Variants in VWA3B observed in about 807,000 individuals in gnomAD.
VWA3B encodes the protein von Willebrand factor A domain-containing protein 3B.
VWA3B carries 138 observed loss-of-function variants against 158.3 expected under a neutral mutation model. The observed-to-expected ratio is 0.87, with a 90% CI of 0.76 to 1.00. VWA3B has a LOEUF of 1.00. Ranked by LOEUF, VWA3B falls within the 50% of genes least tolerant of loss-of-function variation. VWA3B has a pLI of 0.00. For synonymous variants in VWA3B, 596 were observed against 587.3 expected, an observed-to-expected ratio of 1.01 and a Z score of -0.21; for missense variants, 1,555 against 1,565.1, an observed-to-expected ratio of 0.99 and a Z score of 0.11.
chr2:98,286,695 T>C (rs1174874503), intron 22 of VWA3B, among the ~76,000 whole-genome samples: 7 of 152,172 alleles, frequency 4.6e-5, no homozygotes. Flanking sequence ...TCTTATGGAT[T>C]TTGTGTCTAC....
Position 98,312,153 on chromosome 2 carries a change from G to A in VWA3B, c.3736-47G>A, listed in dbSNP as rs773446165. On this transcript the variant is annotated intron_variant, in intron 27 of 27. Transcript: ENST00000477737. ...CTGGGCCTGTTTAGGCTCCAGTGCAGCAAAGACCCTAACATCCTTAAGTAA... is the reference window on the plus strand; with the variant it reads ...CTGGGCCTGTTTAGGCTCCAGTGCAACAAAGACCCTAACATCCTTAAGTAA... The A allele has an allele frequency of 2.5e-6, 4 of 1,614,068 alleles. No individual in the cohort carries two copies. The South Asian group carries it at 4.4e-5, about 18-fold the overall frequency.
rs1398599820 is a variant in VWA3B at position 98,121,336 on chromosome 2, A to G, written c.580A>G (p.Thr194Ala). ...QEPVKWQENATPVTEQSIATA... is the reference protein window; with the variant it reads ...QEPVKWQENAAPVTEQSIATA... ...GCCTGTGAAGTGGCAGGAAAATGCT[A>G]CTCCTGTGACCGAACAGTCCATAGC... Residue 194 changes from threonine (T) to alanine (A), a missense_variant, in exon 5 of 28, where the codon ACT becomes GCT. By Grantham distance (58) the Thr-to-Ala change is moderately conservative. Transcript: ENST00000477737. 6.2e-7 allele frequency: 1 copy of G among 1,613,828 alleles called. No individual in the cohort carries two copies. Among genetic ancestry groups the G allele is most frequent in the Admixed American group, 1.7e-5 (1 of 60,000 alleles).
chr2:98,130,901 C>T (rs1242977929), intron 6 of VWA3B, among the ~76,000 whole-genome samples: 1 of 152,174 alleles, frequency 6.6e-6, no homozygotes, highest in African/African-American at 2.4e-5. Flanking sequence ...ATGTGCATCA[C>T]CTTATTTATC....
At chr2:98,221,350 C>T (rs1684490670) in intron 14 of VWA3B, among the ~76,000 whole-genome samples, 1 of 152,164 alleles carries the variant, frequency 6.6e-6, no homozygotes, top group Admixed American at 6.5e-5. Flanking sequence ...AAGAGCACGG[C>T]TTAATAACAG....
intron 4 of VWA3B, among the ~76,000 whole-genome samples, 159 bp downstream of exon 4, chr2:98,119,922 G>C (rs1674839786): frequency 6.6e-6 from 1 of 152,206 alleles, no homozygotes; most frequent in Non-Finnish European, 1.5e-5. Flanking sequence ...CAATCCCACA[G>C]TGAATAAATC....
chr2:98,107,964 T>C (rs1673807691), intron 2 of VWA3B, among the ~76,000 whole-genome samples: 1 of 151,962 alleles, frequency 6.6e-6, no homozygotes, highest in South Asian at 2.1e-4. Flanking sequence ...TGATTATTGA[T>C]TTGAGATTTT....
intron 13 of VWA3B, among the ~76,000 whole-genome samples, chr2:98,215,805 C>T (rs1042895419): frequency 2.0e-5 from 3 of 152,148 alleles, no homozygotes; most frequent in African/African-American, 4.8e-5. Context: ...TGTGAGCCAC[C>T]GCGCCCAGCC....
chr2:98,275,342 A>G (rs1484086577), intron 22 of VWA3B, among the ~76,000 whole-genome samples: 1 of 152,180 alleles, frequency 6.6e-6, no homozygotes. Context: ...AGGCCAATAA[A>G]CAGCCACATG....
intron 7 of VWA3B, among the ~76,000 whole-genome samples, chr2:98,135,222 A>G (rs1378976209): frequency 6.6e-6 from 1 of 152,138 alleles, no homozygotes; most frequent in Non-Finnish European, 1.5e-5. Flanking sequence ...ATTCCTTGGC[A>G]ACTTAGTTAT....
chr2:98,160,369 G>A (rs888299107), intron 7 of VWA3B, among the ~76,000 whole-genome samples: 3 of 152,106 alleles, frequency 2.0e-5, no homozygotes, highest in Admixed American at 2.0e-4. Context: ...CAAATCAGAT[G>A]GACTTGTGTT....
intron 10 of VWA3B, among the ~76,000 whole-genome samples, chr2:98,191,921 T>C (rs932791832): frequency 3.3e-5 from 5 of 152,228 alleles, no homozygotes; most frequent in African/African-American, 7.2e-5. Flanking sequence ...CCATACTCTT[T>C]CCTTACCTCC....
intron 16 of VWA3B, among the ~76,000 whole-genome samples, chr2:98,231,880 TG>T (rs1685355668): frequency 6.6e-6 from 1 of 152,232 alleles, no homozygotes; most frequent in Non-Finnish European, 1.5e-5. Context: ...AATACATTGC[TG>T]GATTCCGTTT....
intron 10 of VWA3B, among the ~76,000 whole-genome samples, chr2:98,189,934 T>A (rs1378033039): frequency 6.6e-6 from 1 of 152,216 alleles, no homozygotes; most frequent in Non-Finnish European, 1.5e-5. Flanking sequence ...GTCTGCATCC[T>A]GTATTTAAAT....
intron 21 of VWA3B, among the ~76,000 whole-genome samples, chr2:98,267,325 GC>G (rs1326529868): frequency 2.0e-5 from 3 of 151,820 alleles, no homozygotes; most frequent in Admixed American, 2.0e-4. Context: ...TTTGTCTTTG[GC>G]TCTGTTTATA....
intron 12 of VWA3B, among the ~76,000 whole-genome samples, chr2:98,197,975 T>G (rs1217405947): frequency 1.3e-5 from 2 of 151,804 alleles, no homozygotes; most frequent in Non-Finnish European, 2.9e-5. Context: ...TGGACAGAGA[T>G]AGAAATATAT....
intron 12 of VWA3B, among the ~76,000 whole-genome samples, chr2:98,203,452 T>G (rs1397536653): frequency 6.6e-6 from 1 of 152,246 alleles, no homozygotes; most frequent in African/African-American, 2.4e-5. Flanking sequence ...AACAAACTTC[T>G]TTATGCCTAT....
chr2:98,171,278 A>G (rs1415960435), intron 8 of VWA3B, among the ~76,000 whole-genome samples: 1 of 152,200 alleles, frequency 6.6e-6, no homozygotes, highest in African/African-American at 2.4e-5. Context: ...AAATCGGATG[A>G]ACACAAATGG....
At chr2:98,175,940 T>C (rs746257613) in intron 8 of VWA3B, among the ~76,000 whole-genome samples, 1 of 152,212 alleles carries the variant, frequency 6.6e-6, no homozygotes, top group Non-Finnish European at 1.5e-5. Context: ...CATGGTACTT[T>C]AGCAAGTGTA....
chr2:98,217,043 C>T, intron 13 of VWA3B: 1 of 1,198,858 alleles, frequency 8.3e-7, no homozygotes, highest in Non-Finnish European at 1.1e-6. Context: ...TGTTCAAGTG[C>T]CCCAGGATGG....
Sources: allele counts gnomAD v4.1 joint callset (sites outside exome capture counted in the v4.1 genomes callset), GRCh38; gene constraint gnomAD v4.1.1; transcripts MANE v1.5; gene names NCBI Gene and HGNC (gene_info 2026-07-23, HGNC 2026-07-21).